Variants in SCCPDH observed in about 807,000 individuals in gnomAD.
SCCPDH encodes saccharopine dehydrogenase (putative), also known as saccharopine dehydrogenase-like oxidoreductase.
SCCPDH carries 34 observed loss-of-function variants against 51.5 expected under a neutral mutation model. That is an observed-to-expected ratio of 0.66 (90% CI 0.50 to 0.88). The LOEUF (loss-of-function observed/expected upper bound fraction) is 0.88. Ranked by LOEUF, SCCPDH falls within the 40% of genes least tolerant of loss-of-function variation. The pLI is 0.00. For missense variants in SCCPDH, 464 were observed against 527.1 expected (o/e 0.88, Z 1.17); for synonymous variants, 187 against 191.3 (o/e 0.98, Z 0.19).
chr1:246,743,589 A>AG (rs1293972830), intron 4 of SCCPDH, among the ~76,000 whole-genome samples: 1 of 151,830 alleles, frequency 6.6e-6, no homozygotes, highest in Admixed American at 6.6e-5. Context: ...CTCAAAAAAA[A>AG]AAAAGAAAGT....
At chr1:246,754,133 T>G (rs962850347) in intron 5 of SCCPDH, among the ~76,000 whole-genome samples, 6 of 151,978 alleles carry the variant, frequency 3.9e-5, no homozygotes, top group Admixed American at 3.9e-4. Context: ...CACACACACT[T>G]TCAACCCCCG....
intron 5 of SCCPDH, among the ~76,000 whole-genome samples, chr1:246,752,076 G>A (rs1056722219): frequency 9.9e-5 from 15 of 151,806 alleles, no homozygotes; most frequent in African/African-American, 2.7e-4. Flanking sequence ...CACCGCGCCC[G>A]GCTAATTCTC....
intron 5 of SCCPDH, among the ~76,000 whole-genome samples, chr1:246,754,102 C>T (rs1014349830): frequency 6.6e-6 from 1 of 152,012 alleles, no homozygotes; most frequent in Non-Finnish European, 1.5e-5. Context: ...TTAGCCCCAC[C>T]TGCTGGAGGC....
intron 3 of SCCPDH, among the ~76,000 whole-genome samples, chr1:246,738,154 C>T (rs1031574183): frequency 5.3e-5 from 8 of 152,096 alleles, no homozygotes; most frequent in African/African-American, 1.9e-4. Flanking sequence ...CAAGATTGCG[C>T]CACTGCACTC....
At chr1:246,750,401 G>T (rs1021850036) in intron 5 of SCCPDH, among the ~76,000 whole-genome samples, 2 of 152,198 alleles carry the variant, frequency 1.3e-5, no homozygotes, top group African/African-American at 4.8e-5. Flanking sequence ...TTCGTAAGGG[G>T]ATAAGCGAAC....
Position 246,767,375 on chromosome 1 carries a change from G to C in SCCPDH, c.*75G>C. On this transcript the variant is annotated 3_prime_UTR_variant, in exon 12 of 12. Coordinates refer to ENST00000366510, the MANE Select transcript of SCCPDH (RefSeq NM_016002.3). Reference sequence around the variant, plus strand: ...TCTATTTGATATTTGAAATTCTTCTGTAAGCCTGTCTGAGTGTATGTGGAA... The same window carrying C: ...TCTATTTGATATTTGAAATTCTTCTCTAAGCCTGTCTGAGTGTATGTGGAA... The C allele has an allele frequency of 1.2e-6, 1 of 830,046 alleles. No homozygotes were observed. Among genetic ancestry groups the C allele is most frequent in the Non-Finnish European group, 1.8e-6 (1 of 556,372 alleles). The allele number at this position is 830,046 out of a possible 1,614,324, so 51.4% of individuals were successfully genotyped here.
chr1:246,752,977 C>G (rs891596451), intron 5 of SCCPDH, among the ~76,000 whole-genome samples: 10 of 151,978 alleles, frequency 6.6e-5, no homozygotes, highest in Non-Finnish European at 5.9e-5. Context: ...GTCTCTGTCT[C>G]TCTCTCTCTC....
At chr1:246,731,837 A>G (rs1668495381) in intron 2 of SCCPDH, among the ~76,000 whole-genome samples, 1 of 152,036 alleles carries the variant, frequency 6.6e-6, no homozygotes, top group Non-Finnish European at 1.5e-5. Flanking sequence ...TACATTAGGT[A>G]TTTCTCTCAA....
At chr1:246,764,173 A>G in intron 9 of SCCPDH, 73 bp from the exon 10 acceptor site, 2 of 855,290 alleles carry the variant, frequency 2.3e-6, no homozygotes, top group South Asian at 1.5e-5. Context: ...TTGAAATAGA[A>G]TAGTCGGTTT....
At chr1:246,746,095 G>C (rs544154962) in intron 5 of SCCPDH, among the ~76,000 whole-genome samples, 14 of 125,394 alleles carry the variant, frequency 1.1e-4, no homozygotes, top group Admixed American at 7.3e-4. Context: ...GCGACAGAGC[G>C]AGACTCCATC....
intron 2 of SCCPDH, among the ~76,000 whole-genome samples, chr1:246,728,037 C>CGTAGAG (rs58188576): frequency 1.6e-5 from 1 of 63,172 alleles, no homozygotes; most frequent in African/African-American, 5.1e-5. Context: ...GCCCTGGGGT[C>CGTAGAG]GTAGTGGTGC....
Position 246,759,073 on chromosome 1 carries a change from C to T in SCCPDH, c.735C>T (p.Ser245=), listed in dbSNP as rs776483604. ...ATTGTCGGGAACTCAAAGGTTATTC[C>T]ATTCCTTTTATGGGATCTGATGTGT... ...ISYCRELKGY[S]IPFMGSDVSV... is the part of the protein sequence containing the mutation. Residue 245 remains serine (S), a synonymous_variant, in exon 7 of 12, where the codon TCC becomes TCT. Transcript: ENST00000366510. 1 of 1,611,808 alleles carries T rather than the reference C, an allele frequency of 6.2e-7. No individual in the cohort carries two copies. The highest frequency in any genetic ancestry group is 1.1e-5 in the South Asian group (1 of 91,036).
intron 5 of SCCPDH, among the ~76,000 whole-genome samples, chr1:246,756,468 C>T (rs1277374206): frequency 1.3e-5 from 2 of 152,068 alleles, no homozygotes; most frequent in Admixed American, 6.6e-5. Flanking sequence ...GTATTAGGTA[C>T]GTCTCTATAT....
intron 9 of SCCPDH, among the ~76,000 whole-genome samples, chr1:246,761,252 T>C (rs974609184): frequency 6.6e-6 from 1 of 152,204 alleles, no homozygotes; most frequent in African/African-American, 2.4e-5. Flanking sequence ...TTTTTTTGTA[T>C]TTTTAGTAGA....
intron 3 of SCCPDH, among the ~76,000 whole-genome samples, chr1:246,736,320 A>G (rs965772793): frequency 6.6e-6 from 1 of 152,230 alleles, no homozygotes; most frequent in Admixed American, 6.5e-5. Flanking sequence ...TTCATGCTTT[A>G]AACTGAATCA....
intron 3 of SCCPDH, among the ~76,000 whole-genome samples, chr1:246,738,570 A>G (rs1668632574): frequency 6.6e-6 from 1 of 151,312 alleles, no homozygotes; most frequent in African/African-American, 2.4e-5. Flanking sequence ...AAATAAAGAC[A>G]ATTTATTTTA....
Position 246,732,111 on chromosome 1 carries a change from C to G in SCCPDH, c.304-3864C>G, listed in dbSNP as rs572933083. Among the ~76,000 whole-genome samples the G allele has an allele frequency of 4.0e-5, 6 of 151,290 alleles. 1 individual carries two copies. Among genetic ancestry groups the G allele is most frequent in the Admixed American group, 2.6e-4 (4 of 15,106 alleles). ...GCCACGTTTTCTTAATCCAGTCTAT[C>G]AGATTTGAAGAGTGGATATGTTATA... On this transcript the variant is annotated intron_variant, in intron 2 of 11. Transcript: ENST00000366510.
At chr1:246,764,749 A>G (rs373583584) in intron 10 of SCCPDH, among the ~76,000 whole-genome samples, 47 of 152,390 alleles carry the variant, frequency 3.1e-4, no homozygotes, top group East Asian at 2.5e-3. Flanking sequence ...TAAAATATGT[A>G]TGCACACGTG....
At chr1:246,744,827 T>C (rs1456625817) in intron 5 of SCCPDH, among the ~76,000 whole-genome samples, 1 of 152,068 alleles carries the variant, frequency 6.6e-6, no homozygotes, top group Non-Finnish European at 1.5e-5. Flanking sequence ...TATTTTGCCA[T>C]GTTGGCCAGG....
Sources: allele counts gnomAD v4.1 joint callset (sites outside exome capture counted in the v4.1 genomes callset), GRCh38; gene constraint gnomAD v4.1.1; transcripts MANE v1.5; gene names NCBI Gene and HGNC (gene_info 2026-07-23, HGNC 2026-07-21).